Variants in SLCO4C1 observed in about 807,000 individuals in gnomAD.
SLCO4C1 encodes organic anion transporter M1.
SLCO4C1 carries 58 observed loss-of-function variants against 72.1 expected under a neutral mutation model. The observed-to-expected ratio is 0.80, with a 90% CI of 0.65 to 1.00. The LOEUF (loss-of-function observed/expected upper bound fraction) is 1.00, where lower values mean the gene tolerates loss of function less well. Among genes scored for constraint, SLCO4C1 ranks in the 50% least tolerant of loss-of-function variants. SLCO4C1 has a pLI of 0.00. For synonymous variants in SLCO4C1, 297 were observed against 312.5 expected, an observed-to-expected ratio of 0.95 and a Z score of 0.52; for missense variants, 898 against 857.9, an observed-to-expected ratio of 1.05 and a Z score of -0.58.
At chr5:102,272,447 T>G (rs1749168869) in intron 2 of SLCO4C1, among the ~76,000 whole-genome samples, 1 of 151,786 alleles carries the variant, frequency 6.6e-6, no homozygotes, top group African/African-American at 2.4e-5. Context: ...AATACAAACA[T>G]CCCACAAAAA....
intron 8 of SLCO4C1, among the ~76,000 whole-genome samples, chr5:102,253,804 CAAA>C (rs5870017): frequency 4.9e-5 from 7 of 143,450 alleles, no homozygotes; most frequent in Admixed American, 7.0e-5. Context: ...GACTCTATCT[CAAA>C]AAAAAAAAAA....
At chr5:102,293,840 TTC>T (rs1201466789) in intron 1 of SLCO4C1, among the ~76,000 whole-genome samples, 2 of 152,160 alleles carry the variant, frequency 1.3e-5, no homozygotes, top group African/African-American at 4.8e-5. Flanking sequence ...GTTCCAGCCA[TTC>T]TCGTGCCTCA....
At chr5:102,257,622 T>A (rs1035174936) in intron 7 of SLCO4C1, among the ~76,000 whole-genome samples, 3 of 148,432 alleles carry the variant, frequency 2.0e-5, no homozygotes, top group Non-Finnish European at 4.5e-5. Flanking sequence ...AAGTGTCTTT[T>A]TTTTTTTTTT....
chr5:102,239,125 A>G, intron 12 of SLCO4C1, 126 bp downstream of exon 12: 1 of 763,426 alleles, frequency 1.3e-6, no homozygotes, highest in Admixed American at 3.5e-5. Context: ...CAGGAAGACT[A>G]CTGGATGGTT....
At chr5:102,282,738 TGA>T (rs1282465072) in intron 2 of SLCO4C1, among the ~76,000 whole-genome samples, 2 of 152,018 alleles carry the variant, frequency 1.3e-5, no homozygotes, top group African/African-American at 2.4e-5. Context: ...TAAAATTATG[TGA>T]GTGTGAATGT....
intron 2 of SLCO4C1, among the ~76,000 whole-genome samples, chr5:102,285,685 G>T (rs1363704000): frequency 6.6e-6 from 1 of 152,050 alleles, no homozygotes; most frequent in African/African-American, 2.4e-5. Flanking sequence ...ATTGCTAAAA[G>T]GTAGCTCTAG....
intron 3 of SLCO4C1, 108 bp downstream of exon 3, chr5:102,270,516 C>A (rs1335910887): frequency 1.2e-6 from 1 of 843,552 alleles, no homozygotes; most frequent in East Asian, 2.9e-5. Context: ...TTGGGAAAAC[C>A]TATGGCATTA....
At chr5:102,269,880 T>C (rs577775999) in intron 3 of SLCO4C1, among the ~76,000 whole-genome samples, 8 of 152,064 alleles carry the variant, frequency 5.3e-5, no homozygotes, top group African/African-American at 1.4e-4. Flanking sequence ...GATATATCTA[T>C]GGTGTTGGTT....
intron 6 of SLCO4C1, among the ~76,000 whole-genome samples, chr5:102,259,174 T>C (rs1348465116): frequency 2.0e-5 from 3 of 152,008 alleles, no homozygotes; most frequent in African/African-American, 4.8e-5. Context: ...AAATATATTA[T>C]TCAGACATTC....
Position 102,236,950 on chromosome 5 carries a change from A to C in SLCO4C1, c.2083T>G (p.Ser695Ala), listed in dbSNP as rs1410951942. 1.7e-5 allele frequency: 28 copies of C among 1,612,748 alleles called. No individual in the cohort carries two copies. The highest frequency in any genetic ancestry group is 2.4e-5 in the Non-Finnish European group (28 of 1,179,666). The change falls in exon 13 of 13, where the codon TCA (serine) becomes GCA (alanine). Residue 695 changes from serine (S) to alanine (A), a missense_variant. Transcript: ENST00000310954. ...FAIFLYKPPPSATDVSFHKEN... is the reference protein window; with the variant it reads ...FAIFLYKPPPAATDVSFHKEN... The stretch of plus-strand genomic sequence containing the variant: ...TTATGAAATGACACATCTGTGGCTG[A>C]TGGAGGTGGTTTATACAAAAAGATT...
At chr5:102,271,323 T>A (rs541323195) in intron 2 of SLCO4C1, among the ~76,000 whole-genome samples, 2 of 151,080 alleles carry the variant, frequency 1.3e-5, no homozygotes, top group Admixed American at 1.3e-4. Context: ...TAATAAATAT[T>A]ATTAATATTA....
rs1749647540 is a variant in SLCO4C1, at chr5:102,296,088, G to A, written c.175C>T (p.Pro59Ser). ...GGGGCTGAAGGCAGAGATGGCTCTG[G>A]TGACTTCTGGGGCTCCTGGGGCTTC... Reference protein sequence around the residue: ...LQKPQEPQKSPEPSLPSAPPN... With the variant: ...LQKPQEPQKSSEPSLPSAPPN... Residue 59 changes from proline to serine, a missense_variant, in exon 1 of 13, where the codon CCA becomes TCA. By Grantham distance (74) the Pro-to-Ser change is moderately conservative (BLOSUM62 -1). Transcript: ENST00000310954. The A allele has an allele frequency of 6.2e-7, 1 of 1,614,214 alleles. No homozygotes were observed. Among genetic ancestry groups the A allele is most frequent in the Non-Finnish European group, 8.5e-7 (1 of 1,180,014 alleles).
At chr5:102,245,248 C>A (rs148886063) in intron 10 of SLCO4C1, among the ~76,000 whole-genome samples, 82 of 152,130 alleles carry the variant, frequency 5.4e-4, no homozygotes, top group African/African-American at 1.9e-3. Context: ...GAAAACACAG[C>A]CTGGTTGAAT....
chr5:102,269,466 G>A (rs996736316), intron 3 of SLCO4C1, among the ~76,000 whole-genome samples: 1 of 151,832 alleles, frequency 6.6e-6, no homozygotes, highest in African/African-American at 2.4e-5. Context: ...GCTCTCAACT[G>A]TAATTTTTCA....
chr5:102,239,133 G>T (rs1188499671), intron 12 of SLCO4C1, 118 bp downstream of exon 12: 3 of 895,300 alleles, frequency 3.4e-6, no homozygotes, highest in Non-Finnish European at 3.2e-6. Flanking sequence ...CTACTGGATG[G>T]TTCAACAATG....
intron 3 of SLCO4C1, among the ~76,000 whole-genome samples, chr5:102,267,299 A>T (rs1749059124): frequency 6.6e-6 from 1 of 152,098 alleles, no homozygotes; most frequent in Non-Finnish European, 1.5e-5. Flanking sequence ...ATTCAATCTC[A>T]TTACATGTTA....
intron 12 of SLCO4C1, among the ~76,000 whole-genome samples, chr5:102,237,395 G>C (rs1475357786): frequency 2.6e-5 from 4 of 151,852 alleles, no homozygotes; most frequent in African/African-American, 9.7e-5. Context: ...TTGAGTCCAA[G>C]AGTTCGAGAC....
intron 9 of SLCO4C1, among the ~76,000 whole-genome samples, chr5:102,248,309 T>C (rs560553275): frequency 6.6e-6 from 1 of 152,232 alleles, no homozygotes; most frequent in South Asian, 2.1e-4. Context: ...TGTGGATCAA[T>C]TGATTATTTC....
At chr5:102,281,543 G>A (rs560672213) in intron 2 of SLCO4C1, among the ~76,000 whole-genome samples, 11 of 152,172 alleles carry the variant, frequency 7.2e-5, no homozygotes, top group African/African-American at 2.6e-4. Flanking sequence ...AAACTAGCAT[G>A]TGACAAGACC....
Sources: gnomAD v4.1 joint callset for allele counts (sites outside exome capture counted in the v4.1 genomes callset) on GRCh38, gnomAD v4.1.1 for gene constraint, MANE v1.5 for transcripts, NCBI Gene and HGNC (gene_info 2026-07-23, HGNC 2026-07-21) for gene names.